TRMT9B: variants seen among roughly 807,000 people sequenced by gnomAD.
TRMT9B encodes the protein probable tRNA methyltransferase 9B.
Under a neutral mutation model 11.5 loss-of-function variants are expected in TRMT9B, and 16 were observed. The ratio of observed to expected loss-of-function variants is 1.39; its 90% CI spans 0.94 to 2.11. TRMT9B has a LOEUF of 2.11. TRMT9B is among the 30% of genes most tolerant of loss of function. The pLI, the probability that TRMT9B is intolerant of heterozygous loss-of-function variation, is 0.00. For missense variants in TRMT9B, 941 were observed against 553.8 expected, an observed-to-expected ratio of 1.70 and a Z score of -7.02; for synonymous variants, 274 against 192.4, an observed-to-expected ratio of 1.42 and a Z score of -3.51.
chr8:13,019,652 G>C (rs1380916606), intron 4 of TRMT9B, among the ~76,000 whole-genome samples: 1 of 152,172 alleles, frequency 6.6e-6, no homozygotes, highest in East Asian at 1.9e-4. Context: ...GCAGTGGATT[G>C]AGTCTTTCTC....
chr8:12,970,452 A>T (rs6986590), intron 1 of TRMT9B, among the ~76,000 whole-genome samples: 8,848 of 152,226 alleles, frequency 0.058, 308 homozygotes, highest in African/African-American at 0.096. Flanking sequence ...CATGATTCCA[A>T]TCCAATTTCA....
At chr8:12,969,755 T>G (rs1223820416) in intron 1 of TRMT9B, among the ~76,000 whole-genome samples, 1 of 151,856 alleles carries the variant, frequency 6.6e-6, no homozygotes, top group Non-Finnish European at 1.5e-5. Flanking sequence ...CATTGCAGCC[T>G]CAAGTGCCTG....
Position 13,022,266 on chromosome 8 carries a change from T to C in TRMT9B, c.*222T>C, listed in dbSNP as rs1814087091. The C allele has an allele frequency of 1.0e-5, 5 of 476,732 alleles. No individual in the cohort carries two copies. The highest frequency in any genetic ancestry group is 4.5e-5 in the South Asian group (1 of 22,208). The allele number at this position is 476,732 out of a possible 1,614,324, so 29.5% of individuals were successfully genotyped here. A position where few individuals can be genotyped will look rare whatever the true frequency, so the allele number is the denominator to read the frequency against. ...GGGTATTTGTGCTTAAATGTTAATA[T>C]ACAAGATCTGAAGAAGCAACAGAAA... On this transcript the variant is annotated 3_prime_UTR_variant, in exon 5 of 5. Transcript: ENST00000524591.
intron 4 of TRMT9B, among the ~76,000 whole-genome samples, chr8:13,013,257 G>C (rs1811992732): frequency 1.3e-5 from 2 of 152,182 alleles, no homozygotes; most frequent in Non-Finnish European, 2.9e-5. Flanking sequence ...TTTGTTAACA[G>C]AGAATTCTAG....
At chr8:12,980,410 C>T (rs1805167639) in intron 1 of TRMT9B, among the ~76,000 whole-genome samples, 1 of 151,656 alleles carries the variant, frequency 6.6e-6, no homozygotes. Context: ...CCCTTTTTTC[C>T]AAATAAGGTC....
At chr8:12,964,104 T>A (rs1472115658) in intron 1 of TRMT9B, among the ~76,000 whole-genome samples, 1 of 152,236 alleles carries the variant, frequency 6.6e-6, no homozygotes, top group African/African-American at 2.4e-5. Context: ...GGTTTTATGA[T>A]CAAGGTAGAA....
At position 12,961,352 on chromosome 8, in the gene TRMT9B, TA is replaced by T. The variant is rs922913632; in HGVS notation, c.-200+15387del. ...GCAATATTTTAATTTAAAAAAATCA[TA>T]TTTTTTTTAAAGTTAAGAAATACCT... On this transcript the variant is annotated intron_variant, in intron 1 of 4. Coordinates refer to ENST00000524591, the MANE Select transcript of TRMT9B (RefSeq NM_020844.3). 3.2e-4 allele frequency among the ~76,000 whole-genome samples: 48 copies of T among 152,156 alleles called. 1 individual carries two copies. Among genetic ancestry groups the T allele is most frequent in the African/African-American group, 1.1e-3 (45 of 41,438 alleles).
chr8:12,967,466 A>T (rs1040654805), intron 1 of TRMT9B, among the ~76,000 whole-genome samples: 1 of 152,178 alleles, frequency 6.6e-6, no homozygotes, highest in Admixed American at 6.5e-5. Flanking sequence ...TGATTTGTTT[A>T]CCCCAGAGAT....
chr8:12,969,620 T>A (rs1385836192), intron 1 of TRMT9B, among the ~76,000 whole-genome samples: 4 of 152,212 alleles, frequency 2.6e-5, no homozygotes, highest in Admixed American at 2.6e-4. Context: ...TATTTTTTAT[T>A]TTTTCCTAAT....
chr8:12,979,581 C>G (rs1309422654), intron 1 of TRMT9B, among the ~76,000 whole-genome samples: 1 of 152,186 alleles, frequency 6.6e-6, no homozygotes, highest in East Asian at 1.9e-4. Flanking sequence ...GTAGCATTCT[C>G]CAGTGAGAAC....
rs1416407609 is a variant in TRMT9B, at chr8:13,029,561, C to T, written c.*7517C>T. 6.0e-6 allele frequency: 1 copy of T among 166,422 alleles called. No homozygotes were observed. Among genetic ancestry groups the T allele is most frequent in the African/African-American group, 2.4e-5 (1 of 41,398 alleles). The allele number at this position is 166,422 out of a possible 1,614,324, so 10.3% of individuals were successfully genotyped here. On this transcript the variant is annotated 3_prime_UTR_variant, in exon 5 of 5. Coordinates refer to ENST00000524591, the MANE Select transcript of TRMT9B (RefSeq NM_020844.3). The stretch of plus-strand genomic sequence containing the variant: ...TGAACAAAAGTTTGCTTTTCTTCAC[C>T]ATTCTGTACAGGACAAGCATTATTC...
chr8:12,972,547 G>A (rs143767145), intron 1 of TRMT9B, among the ~76,000 whole-genome samples: 1 of 152,336 alleles, frequency 6.6e-6, no homozygotes, highest in Non-Finnish European at 1.5e-5. Context: ...ACAGAGAGGA[G>A]CCGGTCCCCT....
At chr8:12,972,984 C>G (rs1803865817) in intron 1 of TRMT9B, among the ~76,000 whole-genome samples, 1 of 152,122 alleles carries the variant, frequency 6.6e-6, no homozygotes, top group Non-Finnish European at 1.5e-5. Flanking sequence ...ACACTAAGCC[C>G]CTTTTACCCT....
At chr8:13,015,137 T>G (rs1018920844) in intron 4 of TRMT9B, among the ~76,000 whole-genome samples, 2 of 151,934 alleles carry the variant, frequency 1.3e-5, no homozygotes, top group African/African-American at 4.8e-5. Context: ...CTGCTTGGTC[T>G]TCTTTTGTCT....
intron 2 of TRMT9B, among the ~76,000 whole-genome samples, chr8:12,992,750 T>C (rs2128879901): frequency 6.6e-6 from 1 of 151,658 alleles, no homozygotes; most frequent in East Asian, 1.9e-4. Flanking sequence ...GGTCTTGTGG[T>C]CCCAGCTACT....
At chr8:12,982,699 A>AT (rs1008714978) in intron 1 of TRMT9B, among the ~76,000 whole-genome samples, 4 of 152,152 alleles carry the variant, frequency 2.6e-5, no homozygotes, top group African/African-American at 7.2e-5. Context: ...TATTTAGTTT[A>AT]TTTTTTTAGT....
At chr8:12,977,980 G>A (rs1052125761) in intron 1 of TRMT9B, among the ~76,000 whole-genome samples, 3 of 152,160 alleles carry the variant, frequency 2.0e-5, no homozygotes, top group African/African-American at 7.2e-5. Context: ...AGTGAGCTGC[G>A]ACTGTACCAC....
intron 1 of TRMT9B, among the ~76,000 whole-genome samples, chr8:12,976,318 A>G (rs1455314548): frequency 6.6e-6 from 1 of 152,108 alleles, no homozygotes; most frequent in Non-Finnish European, 1.5e-5. Flanking sequence ...AGGGATTTTT[A>G]GGTGAGGAAG....
At chr8:12,978,514 TAGATGATAGATAGATA>T (rs1804814451) in intron 1 of TRMT9B, among the ~76,000 whole-genome samples, 1 of 12,012 alleles carries the variant, frequency 8.3e-5, no homozygotes, top group Non-Finnish European at 1.7e-4. Flanking sequence ...AGATGATAGA[TAGATGATAGATAGATA>T]GATAGATAGA....
Sources: gnomAD v4.1 joint callset for allele counts (sites outside exome capture counted in the v4.1 genomes callset) on GRCh38, gnomAD v4.1.1 for gene constraint, MANE v1.5 for transcripts, NCBI Gene and HGNC (gene_info 2026-07-23, HGNC 2026-07-21) for gene names.